GALNT13: variants seen among roughly 807,000 people sequenced by gnomAD.
GALNT13 encodes UDP-GalNAc:polypeptide N-acetylgalactosaminyltransferase 13.
A neutral mutation model predicts 64.2 loss-of-function variants in GALNT13; 28 were observed. The observed-to-expected ratio is 0.44, with a 90% confidence interval of 0.32 to 0.60. The LOEUF (loss-of-function observed/expected upper bound fraction) is 0.60, where lower values mean the gene tolerates loss of function less well. GALNT13 is among the 20% of genes least tolerant of loss of function. GALNT13 has a pLI of 0.05. For synonymous variants in GALNT13, 214 were observed against 224.6 expected (o/e 0.95, Z 0.42); for missense variants, 577 against 669.8 (o/e 0.86, Z 1.53).
chr2:153,792,742 A>G, the GALNT13 span, among the ~76,000 whole-genome samples: 1 of 152,086 alleles, frequency 6.6e-6, no homozygotes, highest in Non-Finnish European at 1.5e-5. Flanking sequence ...AGAAATCCTC[A>G]TTTGTATTTT....
At chr2:154,379,452 A>G (rs1370230368) in intron 9 of GALNT13, among the ~76,000 whole-genome samples, 1 of 152,054 alleles carries the variant, frequency 6.6e-6, no homozygotes, top group African/African-American at 2.4e-5. Flanking sequence ...TTAAGTGCAA[A>G]TAATTTTAAA....
intron 4 of GALNT13, among the ~76,000 whole-genome samples, chr2:154,232,567 A>G (rs1688973062): frequency 1.3e-5 from 2 of 152,178 alleles, no homozygotes; most frequent in Admixed American, 6.5e-5. Context: ...TAAGATGGTG[A>G]TATAACTACC....
the GALNT13 span, among the ~76,000 whole-genome samples, chr2:153,357,055 G>T: frequency 6.6e-6 from 1 of 152,036 alleles, no homozygotes; most frequent in Non-Finnish European, 1.5e-5. Context: ...CAATCCACCT[G>T]CCTTGGCCTC....
At chr2:153,555,685 A>G in the GALNT13 span, among the ~76,000 whole-genome samples, 15 of 152,166 alleles carry the variant, frequency 9.9e-5, no homozygotes, top group African/African-American at 3.6e-4. Context: ...TGCACTTGAA[A>G]TGTGGCAGAG....
chr2:153,764,695 A>G, the GALNT13 span, among the ~76,000 whole-genome samples: 1 of 152,224 alleles, frequency 6.6e-6, no homozygotes, highest in Non-Finnish European at 1.5e-5. Flanking sequence ...GACAATGGGG[A>G]AAATGTCTCC....
the GALNT13 span, among the ~76,000 whole-genome samples, chr2:153,581,289 C>T: frequency 6.6e-6 from 1 of 152,014 alleles, no homozygotes; most frequent in South Asian, 2.1e-4. Context: ...TGATTAAGTA[C>T]CTAGAATGAT....
At chr2:153,726,951 A>AC in the GALNT13 span, among the ~76,000 whole-genome samples, 16,153 of 150,008 alleles carry the variant, frequency 0.11, 1,388 homozygotes, top group African/African-American at 0.23. Flanking sequence ...AAAAAAAAAA[A>AC]AAAAACAAAA....
chr2:153,098,698 G>A, the GALNT13 span, among the ~76,000 whole-genome samples: 8 of 152,132 alleles, frequency 5.3e-5, no homozygotes, highest in South Asian at 8.3e-4. Flanking sequence ...TATTGTTGAC[G>A]AATATTTAGA....
the GALNT13 span, among the ~76,000 whole-genome samples, chr2:153,115,340 A>G: frequency 2.6e-5 from 4 of 152,350 alleles, no homozygotes; most frequent in African/African-American, 9.6e-5. Flanking sequence ...ACATATGTTT[A>G]TGATCCCAAG....
At chr2:154,128,020 C>G (rs538675395) in intron 3 of GALNT13, among the ~76,000 whole-genome samples, 3 of 151,972 alleles carry the variant, frequency 2.0e-5, no homozygotes, top group African/African-American at 7.2e-5. Flanking sequence ...AAAGTAAGTA[C>G]ACACGATATG....
the GALNT13 span, chr2:153,478,071 C>T: frequency 1.6e-6 from 1 of 629,128 alleles, no homozygotes; most frequent in East Asian, 2.8e-5. Context: ...TGAGGACTTT[C>T]AGAGGGCGAG....
the GALNT13 span, among the ~76,000 whole-genome samples, chr2:153,260,756 C>T: frequency 6.6e-6 from 1 of 152,124 alleles, no homozygotes; most frequent in Non-Finnish European, 1.5e-5. Flanking sequence ...GAGAAGTTTT[C>T]TGTTATTATC....
At chr2:154,153,648 T>C (rs6435061) in intron 4 of GALNT13, among the ~76,000 whole-genome samples, 116,058 of 152,136 alleles carry the variant, frequency 0.76, 44,664 homozygotes, top group East Asian at 0.96. Flanking sequence ...GGCGCCCCTC[T>C]CCCAGCCTGG....
chr2:154,090,662 C>A (rs1701759824), intron 3 of GALNT13, among the ~76,000 whole-genome samples: 1 of 151,962 alleles, frequency 6.6e-6, no homozygotes, highest in Non-Finnish European at 1.5e-5. Context: ...GAAATCGCTT[C>A]AGATATTCAA....
the GALNT13 span, among the ~76,000 whole-genome samples, chr2:153,527,483 G>A: frequency 6.6e-6 from 1 of 152,066 alleles, no homozygotes; most frequent in Non-Finnish European, 1.5e-5. Flanking sequence ...AACAAAATCT[G>A]AGGGATTTCA....
chr2:153,730,168 C>T, the GALNT13 span, among the ~76,000 whole-genome samples: 1 of 151,906 alleles, frequency 6.6e-6, no homozygotes, highest in Admixed American at 6.6e-5. Flanking sequence ...AAGTGGGAGG[C>T]ATCACATTAC....
chr2:154,121,281 G>A (rs1329114053), intron 3 of GALNT13, among the ~76,000 whole-genome samples: 1 of 152,114 alleles, frequency 6.6e-6, no homozygotes. Flanking sequence ...GTGGGGAAGT[G>A]GAACTTGAGA....
the GALNT13 span, among the ~76,000 whole-genome samples, chr2:153,324,582 G>T: frequency 6.7e-6 from 1 of 149,366 alleles, no homozygotes; most frequent in Non-Finnish European, 1.5e-5. Flanking sequence ...CGGTGCTTCT[G>T]GCCTTTGGCC....
At chr2:153,340,309 A>G in the GALNT13 span, among the ~76,000 whole-genome samples, 2 of 151,416 alleles carry the variant, frequency 1.3e-5, no homozygotes, top group Non-Finnish European at 2.9e-5. Flanking sequence ...TTATTTATTT[A>G]TTTATTTAGC....
Sources: gnomAD v4.1 joint callset for allele counts (sites outside exome capture counted in the v4.1 genomes callset) on GRCh38, gnomAD v4.1.1 for gene constraint, MANE v1.5 for transcripts, NCBI Gene and HGNC (gene_info 2026-07-23, HGNC 2026-07-21) for gene names.